Variants in DCBLD2 observed in about 807,000 individuals in gnomAD.
DCBLD2 encodes discoidin, CUB and LCCL domain-containing protein 2.
DCBLD2 carries 54 observed loss-of-function variants against 86.8 expected under a neutral mutation model. The observed-to-expected ratio is 0.62, with a 90% CI of 0.50 to 0.78. The LOEUF is 0.78. Among genes scored for constraint, DCBLD2 ranks in the 30% least tolerant of loss-of-function variants. The pLI is 0.00. For synonymous variants in DCBLD2, 354 were observed against 341.3 expected (o/e 1.04, Z -0.41); for missense variants, 908 against 954.2 (o/e 0.95, Z 0.64).
chr3:98,849,903 C>G (rs1431711865), intron 2 of DCBLD2, among the ~76,000 whole-genome samples: 1 of 151,438 alleles, frequency 6.6e-6, no homozygotes, highest in Non-Finnish European at 1.5e-5. Flanking sequence ...AAAAAATTAA[C>G]AAAATATTTC....
At chr3:98,850,618 T>C (rs1348265324) in intron 2 of DCBLD2, among the ~76,000 whole-genome samples, 1 of 152,190 alleles carries the variant, frequency 6.6e-6, no homozygotes, top group Non-Finnish European at 1.5e-5. Context: ...AAAGCCTGAA[T>C]AAGGACTTCC....
At chr3:98,842,129 T>C (rs1015235602) in intron 3 of DCBLD2, among the ~76,000 whole-genome samples, 1 of 152,194 alleles carries the variant, frequency 6.6e-6, no homozygotes, top group African/African-American at 2.4e-5. Flanking sequence ...TAAGAAAATA[T>C]AGGCCGAAAC....
chr3:98,809,083 T>C (rs187258832), intron 12 of DCBLD2, among the ~76,000 whole-genome samples: 191 of 152,260 alleles, frequency 1.3e-3, no homozygotes, highest in African/African-American at 4.4e-3. Context: ...AATGTGTGTG[T>C]GACCAGGTCA....
At chr3:98,841,367 T>A (rs1344918315) in intron 3 of DCBLD2, among the ~76,000 whole-genome samples, 2 of 152,120 alleles carry the variant, frequency 1.3e-5, no homozygotes, top group African/African-American at 4.8e-5. Context: ...TTAAAAAAAA[T>A]AAAGTACAAT....
intron 3 of DCBLD2, among the ~76,000 whole-genome samples, chr3:98,825,713 C>A (rs1233171463): frequency 7.3e-6 from 1 of 137,530 alleles, no homozygotes; most frequent in African/African-American, 2.6e-5. Flanking sequence ...AAATTTATAG[C>A]TTTAAAGTGG....
chr3:98,874,317 G>A (rs1398724167), intron 2 of DCBLD2, among the ~76,000 whole-genome samples: 1 of 152,074 alleles, frequency 6.6e-6, no homozygotes, highest in African/African-American at 2.4e-5. Flanking sequence ...CAATATTTAT[G>A]CAAAAATACT....
chr3:98,870,801 GAAAGA>G (rs1458886895), intron 2 of DCBLD2, among the ~76,000 whole-genome samples: 35 of 149,784 alleles, frequency 2.3e-4, no homozygotes, highest in African/African-American at 2.0e-4. Context: ...AAGAAAGAAA[GAAAGA>G]AAGAAAGGTA....
intron 3 of DCBLD2, 143 bp downstream of exon 3, chr3:98,849,318 T>C (rs1942788322): frequency 3.9e-6 from 4 of 1,025,392 alleles, no homozygotes; most frequent in Non-Finnish European, 4.3e-6. Flanking sequence ...CTCACCTTAT[T>C]TGTCAAATTT....
At chr3:98,808,816 T>C (rs369068426) in intron 12 of DCBLD2, among the ~76,000 whole-genome samples, 3 of 152,182 alleles carry the variant, frequency 2.0e-5, no homozygotes, top group South Asian at 2.1e-4. Context: ...CAAAAATCTA[T>C]TGGCAATTCC....
chr3:98,853,502 T>C (rs920687792), intron 2 of DCBLD2, among the ~76,000 whole-genome samples: 6 of 152,210 alleles, frequency 3.9e-5, no homozygotes, highest in African/African-American at 1.2e-4. Flanking sequence ...ATTCTTCATA[T>C]GCCTAGGCCA....
intron 1 of DCBLD2, among the ~76,000 whole-genome samples, chr3:98,883,834 G>A (rs1943515135): frequency 6.6e-6 from 1 of 152,132 alleles, no homozygotes; most frequent in Non-Finnish European, 1.5e-5. Flanking sequence ...ACAGAGGGCT[G>A]TAATAGAACT....
At chr3:98,828,432 A>C (rs1251104139) in intron 3 of DCBLD2, among the ~76,000 whole-genome samples, 2 of 152,204 alleles carry the variant, frequency 1.3e-5, no homozygotes, top group African/African-American at 4.8e-5. Context: ...GAAGATATAC[A>C]AATGGCCAAC....
chr3:98,878,621 T>A (rs551715546), intron 2 of DCBLD2, among the ~76,000 whole-genome samples: 1 of 152,234 alleles, frequency 6.6e-6, no homozygotes, highest in Non-Finnish European at 1.5e-5. Flanking sequence ...TCTTGAATTA[T>A]CTTTATTTCT....
intron 10 of DCBLD2, 102 bp downstream of exon 10, chr3:98,812,230 C>T: frequency 2.1e-6 from 3 of 1,439,028 alleles, no homozygotes; most frequent in African/African-American, 1.5e-5. Context: ...AGAGTTTAAC[C>T]AGAAAGACAC....
At position 98,822,220 on chromosome 3, in the gene DCBLD2, A is replaced by G. The variant is rs1257310554; in HGVS notation, c.830+8T>C. 1.2e-6 allele frequency: 2 copies of G among 1,613,528 alleles called. No individual in the cohort carries two copies. The highest frequency in any genetic ancestry group is 1.7e-6 in the Non-Finnish European group (2 of 1,179,576). On this transcript the variant is annotated splice_region_variant and intron_variant, in intron 6 of 15. Coordinates refer to ENST00000326840, the MANE Select transcript of DCBLD2 (RefSeq NM_080927.4). The stretch of plus-strand genomic sequence containing the variant: ...AGCATATATTTTTTAAATTGCATAT[A>G]TACTTACACCACAGATGTGACGTTG...
intron 2 of DCBLD2, among the ~76,000 whole-genome samples, chr3:98,865,701 TTTC>T (rs1943129642): frequency 6.6e-6 from 1 of 150,950 alleles, no homozygotes; most frequent in Non-Finnish European, 1.5e-5. Flanking sequence ...TATATACAAT[TTTC>T]TTTTTTTATA....
intron 2 of DCBLD2, among the ~76,000 whole-genome samples, chr3:98,855,999 A>C (rs1361747227): frequency 1.3e-5 from 2 of 152,232 alleles, no homozygotes; most frequent in African/African-American, 4.8e-5. Context: ...AAGTATGCTA[A>C]TACAAAAAGC....
intron 13 of DCBLD2, among the ~76,000 whole-genome samples, chr3:98,804,522 A>C (rs541419019): frequency 6.6e-6 from 1 of 152,262 alleles, no homozygotes; most frequent in East Asian, 1.9e-4. Context: ...GATTTTTTGA[A>C]GGGTTTTTTG....
intron 3 of DCBLD2, among the ~76,000 whole-genome samples, chr3:98,838,641 G>T (rs1942536943): frequency 6.6e-6 from 1 of 152,084 alleles, no homozygotes; most frequent in Non-Finnish European, 1.5e-5. Context: ...TTCCCAGACG[G>T]GGTGGCGGCT....
Sources: allele counts gnomAD v4.1 joint callset (sites outside exome capture counted in the v4.1 genomes callset), GRCh38; gene constraint gnomAD v4.1.1; transcripts MANE v1.5; gene names NCBI Gene and HGNC (gene_info 2026-07-23, HGNC 2026-07-21).